PLEKHM3: variants seen among roughly 807,000 people sequenced by gnomAD.
The protein encoded by PLEKHM3 is pleckstrin homology domain-containing family M member 3.
A neutral mutation model predicts 81.8 loss-of-function variants in PLEKHM3; 45 were observed. The ratio of observed to expected loss-of-function variants is 0.55; its 90% CI spans 0.43 to 0.71. The LOEUF (loss-of-function observed/expected upper bound fraction) is 0.71. PLEKHM3 is among the 30% of genes least tolerant of loss of function. The pLI is 0.00. For missense variants in PLEKHM3, 788 were observed against 924.3 expected, an observed-to-expected ratio of 0.85 and a Z score of 1.91; for synonymous variants, 352 against 356.4, an observed-to-expected ratio of 0.99 and a Z score of 0.14.
At chr2:207,995,466 A>G (rs1350093901) in intron 2 of PLEKHM3, among the ~76,000 whole-genome samples, 3 of 152,214 alleles carry the variant, frequency 2.0e-5, no homozygotes, top group African/African-American at 7.2e-5. Context: ...GAGGACCACT[A>G]GCTTCCAAAG....
At chr2:207,973,316 A>T (rs1691188422) in intron 3 of PLEKHM3, among the ~76,000 whole-genome samples, 3 of 152,270 alleles carry the variant, frequency 2.0e-5, no homozygotes, top group Admixed American at 6.5e-5. Context: ...ATAATCTCTG[A>T]TATAATGAAC....
intron 5 of PLEKHM3, among the ~76,000 whole-genome samples, chr2:207,912,122 G>A (rs1406367667): frequency 6.6e-6 from 1 of 152,148 alleles, no homozygotes; most frequent in Non-Finnish European, 1.5e-5. Flanking sequence ...TACAACTGAT[G>A]AGCAACAAAG....
intron 3 of PLEKHM3, among the ~76,000 whole-genome samples, chr2:207,955,987 G>A (rs1197832259): frequency 7.5e-6 from 1 of 133,948 alleles, no homozygotes; most frequent in African/African-American, 2.8e-5. Context: ...TCGACACAGG[G>A]GCATTTGAGC....
chr2:208,017,008 T>A (rs540687527), intron 1 of PLEKHM3, among the ~76,000 whole-genome samples: 4 of 152,242 alleles, frequency 2.6e-5, no homozygotes. Flanking sequence ...ATCTCTAGGT[T>A]ACTTACAATA....
At chr2:207,849,348 C>T (rs1173347783) in intron 7 of PLEKHM3, among the ~76,000 whole-genome samples, 8 of 151,878 alleles carry the variant, frequency 5.3e-5, no homozygotes, top group Non-Finnish European at 4.4e-5. Flanking sequence ...AAAAAGTGTA[C>T]AGACTAGATG....
chr2:207,931,786 G>A (rs1168367389), intron 4 of PLEKHM3, among the ~76,000 whole-genome samples: 2 of 151,962 alleles, frequency 1.3e-5, no homozygotes, highest in Non-Finnish European at 1.5e-5. Context: ...CAGCCTGGCC[G>A]ACATGGCGAA....
At chr2:207,929,399 C>A (rs1190014974) in intron 5 of PLEKHM3, among the ~76,000 whole-genome samples, 1 of 152,120 alleles carries the variant, frequency 6.6e-6, no homozygotes, top group Admixed American at 6.5e-5. Context: ...AACATTATAC[C>A]ATAAAGGTAT....
At chr2:207,985,901 T>C (rs1456167056) in intron 2 of PLEKHM3, among the ~76,000 whole-genome samples, 5 of 149,208 alleles carry the variant, frequency 3.4e-5, no homozygotes, top group Non-Finnish European at 1.5e-5. Flanking sequence ...GGCAGGAGAA[T>C]GGCGTGAACC....
intron 2 of PLEKHM3, among the ~76,000 whole-genome samples, chr2:207,999,093 A>G (rs1692211322): frequency 6.6e-6 from 1 of 151,600 alleles, no homozygotes; most frequent in Non-Finnish European, 1.5e-5. Flanking sequence ...ATCGATTTTC[A>G]TGCCTCAGCC....
intron 3 of PLEKHM3, among the ~76,000 whole-genome samples, chr2:207,968,768 C>T (rs941723402): frequency 6.6e-6 from 1 of 152,228 alleles, no homozygotes; most frequent in Non-Finnish European, 1.5e-5. Context: ...CTTTATCGCA[C>T]ACAAATACCT....
intron 6 of PLEKHM3, 76 bp from the exon 7 acceptor site, chr2:207,861,338 A>ATTCCT (rs2092466047): frequency 1.7e-5 from 25 of 1,428,758 alleles, no homozygotes; most frequent in Non-Finnish European, 2.8e-6. Flanking sequence ...AAGGAAAGGA[A>ATTCCT]TTCCTTTCCT....
intron 4 of PLEKHM3, among the ~76,000 whole-genome samples, chr2:207,937,774 TTTCC>T (rs1238556709): frequency 2.0e-5 from 3 of 152,184 alleles, no homozygotes; most frequent in South Asian, 4.1e-4. Context: ...TGGTAAAACA[TTTCC>T]TTCCTGTGTT....
intron 7 of PLEKHM3, chr2:207,851,099 G>C (rs2092409664): frequency 7.4e-6 from 1 of 135,332 alleles, no homozygotes; most frequent in African/African-American, 2.9e-5. Context: ...GTTGCAGTGA[G>C]CCGACATCGC....
At chr2:207,915,098 C>A (rs1043557016) in intron 5 of PLEKHM3, among the ~76,000 whole-genome samples, 3 of 152,198 alleles carry the variant, frequency 2.0e-5, no homozygotes, top group Non-Finnish European at 4.4e-5. Flanking sequence ...TGAAAACCAA[C>A]TAGCACAATC....
intron 5 of PLEKHM3, among the ~76,000 whole-genome samples, chr2:207,926,638 C>A (rs1054139009): frequency 2.0e-5 from 3 of 152,212 alleles, no homozygotes; most frequent in African/African-American, 7.2e-5. Context: ...TTCAGCAGGA[C>A]CGCCATCTGG....
intron 6 of PLEKHM3, among the ~76,000 whole-genome samples, chr2:207,875,061 A>G (rs1469477429): frequency 1.3e-5 from 2 of 152,016 alleles, no homozygotes; most frequent in Non-Finnish European, 2.9e-5. Context: ...ATGCTATAAA[A>G]AAGTAATAAA....
intron 6 of PLEKHM3, among the ~76,000 whole-genome samples, chr2:207,868,004 G>A (rs888349341): frequency 1.3e-5 from 2 of 152,178 alleles, no homozygotes; most frequent in Admixed American, 6.5e-5. Context: ...CTATGGGTGA[G>A]ACAAAGTCAA....
At chr2:207,920,987 A>G (rs1165704473) in intron 5 of PLEKHM3, among the ~76,000 whole-genome samples, 4 of 151,226 alleles carry the variant, frequency 2.6e-5, no homozygotes, top group African/African-American at 9.7e-5. Context: ...CTTCCTTTAC[A>G]CTCTCAGAGT....
At chr2:207,901,989 A>G (rs1278518831) in intron 6 of PLEKHM3, among the ~76,000 whole-genome samples, 1 of 152,146 alleles carries the variant, frequency 6.6e-6, no homozygotes, top group Non-Finnish European at 1.5e-5. Flanking sequence ...GTTAAATCCG[A>G]ATGCTCCTAA....
Sources: allele counts gnomAD v4.1 joint callset (sites outside exome capture counted in the v4.1 genomes callset), GRCh38; gene constraint gnomAD v4.1.1; transcripts MANE v1.5; gene names NCBI Gene and HGNC (gene_info 2026-07-23, HGNC 2026-07-21).